ABHD2: variants seen among roughly 807,000 people sequenced by gnomAD.
ABHD2 encodes the protein monoacylglycerol lipase ABHD2.
Under a neutral mutation model 48.1 loss-of-function variants are expected in ABHD2, and 20 were observed. The ratio of observed to expected loss-of-function variants is 0.42; its 90% CI spans 0.29 to 0.60. The LOEUF (loss-of-function observed/expected upper bound fraction) is 0.60. Among genes scored for constraint, ABHD2 ranks in the 20% least tolerant of loss-of-function variants. The pLI, the probability that ABHD2 is intolerant of heterozygous loss-of-function variation, is 0.24. For missense variants in ABHD2, 405 were observed against 550.9 expected, an observed-to-expected ratio of 0.74 and a Z score of 2.65; for synonymous variants, 209 against 214.2, an observed-to-expected ratio of 0.98 and a Z score of 0.21.
At chr15:89,044,006 A>C in the ABHD2 span, among the ~76,000 whole-genome samples, 1 of 151,690 alleles carries the variant, frequency 6.6e-6, no homozygotes, top group Non-Finnish European at 1.5e-5. Flanking sequence ...GCACCCACTA[A>C]CTCGTCATCT....
Position 89,094,988 on chromosome 15 carries a change from C to T in ABHD2, c.-107+6425C>T, listed in dbSNP as rs916194204. Among the ~76,000 whole-genome samples, 3 of 145,752 alleles carry T rather than the reference C, an allele frequency of 2.1e-5. No individual in the cohort carries two copies. The highest frequency in any genetic ancestry group is 5.3e-5 in the African/African-American group (2 of 37,956). On this transcript the variant is annotated intron_variant, in intron 1 of 10. Transcript: ENST00000352732. The surrounding 1 kb of genome is among the most constrained non-coding windows in gnomAD (Gnocchi z 4.7). ...CTGAAGCAGGAGAATCACTTGAACC[C>T]GGGAGGCAGAGGTTCCGGTGAGCCA...
At chr15:89,079,101 C>G in the ABHD2 span, among the ~76,000 whole-genome samples, 1 of 152,102 alleles carries the variant, frequency 6.6e-6, no homozygotes, top group Non-Finnish European at 1.5e-5. The surrounding 1 kb of genome is among the most constrained non-coding windows in gnomAD (Gnocchi z 4.3). Context: ...AATTCCTCTG[C>G]CCACCCAAGA....
intron 1 of ABHD2, among the ~76,000 whole-genome samples, chr15:89,095,120 A>G (rs866856255): frequency 4.1e-4 from 63 of 151,992 alleles, no homozygotes; most frequent in Non-Finnish European, 1.3e-4. Context: ...GAAGATCAAT[A>G]TCTCAGATTA....
rs57813229 is a variant in ABHD2, at chr15:89,100,284, A to AT, written c.-107+11738dup. 0.013 allele frequency among the ~76,000 whole-genome samples: 1,823 copies of AT among 141,206 alleles called. 11 individuals are homozygous for AT. Among genetic ancestry groups the AT allele is most frequent in the East Asian group, 0.015 (75 of 4,860 alleles). The allele number at this position is 141,206 out of a possible 152,430, so 92.6% of individuals were successfully genotyped here. On this transcript the variant is annotated intron_variant, in intron 1 of 10. Coordinates refer to ENST00000352732, the MANE Select transcript of ABHD2 (RefSeq NM_152924.5). This position sits in a 1 kb window ranked among gnomAD's most constrained non-coding sequence, Gnocchi z 4.4. ...CTCCCAAGTTCACATTGTGTTGTTA[A>AT]TTTTTTTTTTTTTTTTTAAGAGACA...
rs1006295511 is a variant in ABHD2 at position 89,155,594 on chromosome 15, T to A, written c.538+60T>A. 1.9e-6 allele frequency: 3 copies of A among 1,559,626 alleles called. No homozygotes were observed. The highest frequency in any genetic ancestry group is 2.6e-6 in the Non-Finnish European group (3 of 1,150,438). ...GCAAGTGTGCTACTACTTCTGCTTC[T>A]GCCTTGTTTTTTCTTTTTTTAAGTT... On this transcript the variant is annotated intron_variant, in intron 5 of 10. Transcript: ENST00000352732. The surrounding 1 kb of genome is among the most constrained non-coding windows in gnomAD (Gnocchi z 4.9).
At position 89,094,352 on chromosome 15, in the gene ABHD2, G is replaced by A. The variant is rs1054172478; in HGVS notation, c.-107+5789G>A. The A allele has an allele frequency of 6.6e-6, 1 of 152,116 alleles. No individual in the cohort carries two copies. Among genetic ancestry groups the A allele is most frequent in the Non-Finnish European group, 1.5e-5 (1 of 68,032 alleles). The allele number at this position is 152,116 out of a possible 1,614,324, so 9.4% of individuals were successfully genotyped here. On this transcript the variant is annotated intron_variant, in intron 1 of 10. Transcript: ENST00000352732. This position sits in a 1 kb window ranked among gnomAD's most constrained non-coding sequence, Gnocchi z 4.7. Reference sequence around the variant, plus strand: ...ACTGTTTACTTAGTCATGTCAATGAGGGCAATAAAAAACAAAAATCAGGAA... The same window carrying A: ...ACTGTTTACTTAGTCATGTCAATGAAGGCAATAAAAAACAAAAATCAGGAA...
chr15:89,049,917 G>A, the ABHD2 span, among the ~76,000 whole-genome samples: 7 of 152,200 alleles, frequency 4.6e-5, no homozygotes, highest in Middle Eastern at 6.8e-3. Context: ...CTCCTCCCCC[G>A]TATTTTTCTC....
At chr15:89,115,369 T>G (rs868669793) in intron 2 of ABHD2, among the ~76,000 whole-genome samples, 81 of 37,292 alleles carry the variant, frequency 2.2e-3, no homozygotes, top group African/African-American at 6.1e-3. Context: ...TGTTTGGAGG[T>G]ATGTGTGTGT....
At chr15:89,048,680 T>C in the ABHD2 span, among the ~76,000 whole-genome samples, 3 of 152,142 alleles carry the variant, frequency 2.0e-5, no homozygotes. Context: ...TTTCTTCCAG[T>C]TGATCGCATC....
chr15:89,083,632 A>G (rs1286276354), upstream of ABHD2, among the ~76,000 whole-genome samples: 2 of 152,210 alleles, frequency 1.3e-5, no homozygotes, highest in African/African-American at 4.8e-5. This position sits in a 1 kb window ranked among gnomAD's most constrained non-coding sequence, Gnocchi z 5.1. Context: ...GGCACTATTA[A>G]AATTTTGCCA....
In ABHD2 at chr15:89,136,643, A is replaced by G. The variant is rs527647417; in HGVS notation, c.195-15034A>G. 9 of 172,798 alleles carry G rather than the reference A, an allele frequency of 5.2e-5. No individual in the cohort carries two copies. The South Asian group carries it at 9.3e-4, about 18-fold the overall frequency. 10.7% of individuals were successfully genotyped at this position (172,798 alleles called of 1,614,324 possible). The stretch of plus-strand genomic sequence containing the variant: ...GCAGCCTCCTCACTCTCTCCGCTCT[A>G]TAACATTGCTCTCCAGCCAGCGCAG... On this transcript the variant is annotated intron_variant, in intron 3 of 10. Coordinates refer to ENST00000352732, the MANE Select transcript of ABHD2 (RefSeq NM_152924.5).
At chr15:89,153,172 C>G (rs1185488912) in intron 4 of ABHD2, among the ~76,000 whole-genome samples, 2 of 152,216 alleles carry the variant, frequency 1.3e-5, no homozygotes, top group Non-Finnish European at 2.9e-5. Flanking sequence ...ACTCCCCTAA[C>G]TAGTGTTTCC....
chr15:89,094,194 G>A lies in ABHD2; in HGVS notation c.-107+5631G>A, dbSNP rs1165976894. On this transcript the variant is annotated intron_variant, in intron 1 of 10. Transcript: ENST00000352732. The surrounding 1 kb of genome is among the most constrained non-coding windows in gnomAD (Gnocchi z 4.7). Reference sequence around the variant, plus strand: ...GGCTAGAGTGCAGTGGCCCGATCTCGGTGCACTGCAACCTCTGCTTCCCGG... The same window carrying A: ...GGCTAGAGTGCAGTGGCCCGATCTCAGTGCACTGCAACCTCTGCTTCCCGG... 6.6e-6 allele frequency: 1 copy of A among 151,892 alleles called. No individual in the cohort carries two copies. The highest frequency in any genetic ancestry group is 2.4e-5 in the African/African-American group (1 of 41,326). The allele number at this position is 151,892 out of a possible 1,614,324, so 9.4% of individuals were successfully genotyped here. A position where few individuals can be genotyped will look rare whatever the true frequency, so the allele number is the denominator to read the frequency against.
chr15:89,091,694 C>G lies in ABHD2; in HGVS notation c.-107+3131C>G, dbSNP rs1045230003. Among the ~76,000 whole-genome samples the G allele has an allele frequency of 6.6e-6, 1 of 152,120 alleles. No individual in the cohort carries two copies. The highest frequency in any genetic ancestry group is 2.4e-5 in the African/African-American group (1 of 41,412). On this transcript the variant is annotated intron_variant, in intron 1 of 10. Transcript: ENST00000352732. This position sits in a 1 kb window ranked among gnomAD's most constrained non-coding sequence, Gnocchi z 5.5. ...CTAAAATCTGGCTCTTTTAAAAGCCCCAGGAGAGAGACATTTCCAATATAA... is the reference window on the plus strand; with the variant it reads ...CTAAAATCTGGCTCTTTTAAAAGCCGCAGGAGAGAGACATTTCCAATATAA...
chr15:89,101,329 G>C (rs1405777755), intron 1 of ABHD2, among the ~76,000 whole-genome samples: 1 of 152,184 alleles, frequency 6.6e-6, no homozygotes, highest in African/African-American at 2.4e-5. Flanking sequence ...ATAATTATTT[G>C]CTTGAACTTT....
chr15:89,139,428 C>G (rs1188596623), intron 3 of ABHD2, among the ~76,000 whole-genome samples: 1 of 152,182 alleles, frequency 6.6e-6, no homozygotes, highest in Non-Finnish European at 1.5e-5. Flanking sequence ...GTGACAGTAG[C>G]TGCCTGTGTA....
At position 89,182,587 on chromosome 15, in the gene ABHD2, T is replaced by A. The variant is rs1023601718; in HGVS notation, c.723-2837T>A. On this transcript the variant is annotated intron_variant, in intron 6 of 10. Transcript: ENST00000352732. This position sits in a 1 kb window ranked among gnomAD's most constrained non-coding sequence, Gnocchi z 4.8. ...AGAGATCACTTGAGGTCAGGAGTTCTAGACCACCCTGGCCAACATGACGAA... is the reference window on the plus strand; with the variant it reads ...AGAGATCACTTGAGGTCAGGAGTTCAAGACCACCCTGGCCAACATGACGAA... Among the ~76,000 whole-genome samples the A allele has an allele frequency of 6.6e-6, 1 of 152,132 alleles. No homozygotes were observed. Among genetic ancestry groups the A allele is most frequent in the African/African-American group, 2.4e-5 (1 of 41,410 alleles).
chr15:89,077,399 TG>T, the ABHD2 span, among the ~76,000 whole-genome samples: 1 of 152,248 alleles, frequency 6.6e-6, no homozygotes, highest in Admixed American at 6.5e-5. Context: ...GATGGACATT[TG>T]GACAGTTTAC....
At chr15:89,083,098 A>G (rs1397024279), upstream of ABHD2, among the ~76,000 whole-genome samples, 2 of 151,920 alleles carry the variant, frequency 1.3e-5, no homozygotes, top group African/African-American at 4.8e-5. The surrounding 1 kb of genome is among the most constrained non-coding windows in gnomAD (Gnocchi z 5.1). Flanking sequence ...CAAGTGATCC[A>G]CCCGCCTGGG....
Sources: allele counts gnomAD v4.1 joint callset (sites outside exome capture counted in the v4.1 genomes callset), GRCh38; gene constraint gnomAD v4.1.1; non-coding constraint Gnocchi (gnomAD v3.1); transcripts MANE v1.5; gene names NCBI Gene and HGNC (gene_info 2026-07-23, HGNC 2026-07-21).